The following MSH3 variants were observed in gnomAD, a reference collection of about 807,000 sequenced individuals.
The protein encoded by MSH3 is mutS homolog 3, also known as DNA mismatch repair protein Msh3.
MSH3 carries 106 observed loss-of-function variants against 123.3 expected under a neutral mutation model. That is an observed-to-expected ratio of 0.86 (90% CI 0.73 to 1.01). MSH3 has a LOEUF of 1.01. MSH3 is among the 50% of genes least tolerant of loss of function. MSH3 has a pLI of 0.00. For synonymous variants in MSH3, 515 were observed against 481.4 expected (o/e 1.07, Z -0.91); for missense variants, 1,459 against 1,347.6 (o/e 1.08, Z -1.29).
intron 22 of MSH3, among the ~76,000 whole-genome samples, chr5:80,865,371 G>T (rs1746082017): frequency 6.6e-6 from 1 of 152,082 alleles, no homozygotes; most frequent in African/African-American, 2.4e-5. Context: ...TACTGTACTG[G>T]ACATAGGTTT....
intron 7 of MSH3, among the ~76,000 whole-genome samples, chr5:80,676,804 T>G (rs934064535): frequency 6.6e-6 from 1 of 152,234 alleles, no homozygotes; most frequent in African/African-American, 2.4e-5. Context: ...TGTGCTATTT[T>G]ATATTTACCT....
intron 12 of MSH3, among the ~76,000 whole-genome samples, chr5:80,761,250 T>C (rs1489080046): frequency 6.6e-6 from 1 of 152,136 alleles, no homozygotes; most frequent in Non-Finnish European, 1.5e-5. Context: ...CTAGTATGCT[T>C]CCCGCCTCAC....
chr5:80,875,981 A>G lies in MSH3; in HGVS notation c.*119A>G, dbSNP rs892978612. 1.7e-5 allele frequency: 12 copies of G among 701,424 alleles called. No individual in the cohort carries two copies. The highest frequency in any genetic ancestry group is 4.7e-5 in the Admixed American group (2 of 42,650). 43.5% of individuals were successfully genotyped at this position (701,424 alleles called of 1,614,324 possible). A position where few individuals can be genotyped will look rare whatever the true frequency, so the allele number is the denominator to read the frequency against. ...GTGAGCATAAAATTATGACCATGGT[A>G]TATTCCTATTGGAAACAGAGAGGTT... On this transcript the variant is annotated 3_prime_UTR_variant, in exon 24 of 24. Transcript: ENST00000265081.
At chr5:80,763,296 A>G (rs1359672706) in intron 13 of MSH3, among the ~76,000 whole-genome samples, 1 of 152,244 alleles carries the variant, frequency 6.6e-6, no homozygotes, top group South Asian at 2.1e-4. Context: ...ACTGTTTTAC[A>G]TGCCTCAGCT....
intron 20 of MSH3, among the ~76,000 whole-genome samples, chr5:80,846,494 C>G (rs1561497361): frequency 1.3e-5 from 2 of 152,184 alleles, no homozygotes; most frequent in Non-Finnish European, 2.9e-5. Flanking sequence ...TTTCATTCTG[C>G]TATGCCCTGC....
chr5:80,775,148 C>T (rs1374953879), intron 15 of MSH3, among the ~76,000 whole-genome samples: 1 of 152,018 alleles, frequency 6.6e-6, no homozygotes, highest in Non-Finnish European at 1.5e-5. Flanking sequence ...TTGAAGAAAA[C>T]TCTCATATGG....
chr5:80,683,181 C>G (rs1203812445), intron 8 of MSH3, among the ~76,000 whole-genome samples: 1 of 152,202 alleles, frequency 6.6e-6, no homozygotes, highest in Non-Finnish European at 1.5e-5. Flanking sequence ...GTGCACATAT[C>G]TCTTCTATAT....
intron 20 of MSH3, among the ~76,000 whole-genome samples, chr5:80,842,963 G>A (rs995793176): frequency 6.6e-6 from 1 of 152,156 alleles, no homozygotes; most frequent in African/African-American, 2.4e-5. Flanking sequence ...GGGTGAGAGA[G>A]AGCATCCTTG....
chr5:80,656,536 G>A lies in MSH3; in HGVS notation c.358+5G>A, dbSNP rs200850015. 55 of 1,614,148 alleles carry A rather than the reference G, an allele frequency of 3.4e-5. No homozygotes were observed. In the East Asian group the frequency reaches 1.2e-3, roughly 34 times the overall value. On this transcript the variant is annotated splice_donor_5th_base_variant and intron_variant, in intron 2 of 23. Coordinates refer to ENST00000265081, the MANE Select transcript of MSH3 (RefSeq NM_002439.5). ...TGGGAATGTCTGGCAACTCTGGTGA[G>A]TTGTGGGGGATTCTTTTTTCTCCTC... is the stretch of plus-strand genomic sequence containing the variant.
At chr5:80,747,071 A>G (rs543808946) in intron 12 of MSH3, among the ~76,000 whole-genome samples, 4 of 152,228 alleles carry the variant, frequency 2.6e-5, no homozygotes, top group Non-Finnish European at 5.9e-5. Context: ...CATTCTAATG[A>G]AATAAGCAGA....
intron 19 of MSH3, among the ~76,000 whole-genome samples, chr5:80,809,212 A>G (rs1040031083): frequency 1.3e-5 from 2 of 152,190 alleles, no homozygotes; most frequent in Middle Eastern, 3.4e-3. Flanking sequence ...GATTTCTGTT[A>G]TTTTTAAATT....
intron 12 of MSH3, among the ~76,000 whole-genome samples, chr5:80,749,634 T>C (rs1251056437): frequency 1.3e-5 from 2 of 152,230 alleles, no homozygotes; most frequent in African/African-American, 2.4e-5. Context: ...TACAATGTGA[T>C]ATTTCATTAC....
chr5:80,841,575 T>C (rs973849525), intron 20 of MSH3, among the ~76,000 whole-genome samples: 29 of 152,344 alleles, frequency 1.9e-4, no homozygotes, highest in Admixed American at 6.5e-4. Context: ...TGTTGTTTCC[T>C]GTCTTCTTAA....
At chr5:80,817,932 G>A (rs553264868) in intron 20 of MSH3, among the ~76,000 whole-genome samples, 2 of 152,230 alleles carry the variant, frequency 1.3e-5, no homozygotes, top group East Asian at 1.9e-4. Context: ...CTGAATAGTC[G>A]GGCATGGTGG....
chr5:80,803,348 T>C (rs1744825850), intron 19 of MSH3, among the ~76,000 whole-genome samples: 1 of 152,114 alleles, frequency 6.6e-6, no homozygotes, highest in African/African-American at 2.4e-5. Context: ...CACCTGTTCA[T>C]ATGCCTGTTG....
chr5:80,749,789 C>A (rs1363094321), intron 12 of MSH3, among the ~76,000 whole-genome samples: 2 of 152,084 alleles, frequency 1.3e-5, no homozygotes, highest in East Asian at 3.9e-4. Flanking sequence ...AGTCACCGTA[C>A]TATGCAATAG....
At chr5:80,655,155 TC>T in intron 1 of MSH3, 191 bp downstream of exon 1, 1 of 482,900 alleles carries the variant, frequency 2.1e-6, no homozygotes, top group South Asian at 3.4e-5. Flanking sequence ...TTTTAGTACT[TC>T]CGTTTGAGGA....
At chr5:80,718,706 G>A (rs1339969562) in intron 8 of MSH3, among the ~76,000 whole-genome samples, 1 of 151,536 alleles carries the variant, frequency 6.6e-6, no homozygotes, top group East Asian at 1.9e-4. Context: ...TTTTCATTGG[G>A]AGGCATATAA....
At chr5:80,706,091 A>G (rs1750717996) in intron 8 of MSH3, among the ~76,000 whole-genome samples, 1 of 152,152 alleles carries the variant, frequency 6.6e-6, no homozygotes. Context: ...ATTTGTATAT[A>G]CTTTTTTATT....
Sources: gnomAD v4.1 joint callset for allele counts (sites outside exome capture counted in the v4.1 genomes callset) on GRCh38, gnomAD v4.1.1 for gene constraint, MANE v1.5 for transcripts, NCBI Gene and HGNC (gene_info 2026-07-23, HGNC 2026-07-21) for gene names.